Variants in ALDH7A1 observed in about 807,000 individuals in gnomAD.
ALDH7A1 encodes the protein alpha-aminoadipic semialdehyde dehydrogenase.
Under a neutral mutation model 79.9 loss-of-function variants are expected in ALDH7A1, and 63 were observed. The ratio of observed to expected loss-of-function variants is 0.79; its 90% CI spans 0.64 to 0.97. The LOEUF is 0.97. ALDH7A1 is among the 50% of genes least tolerant of loss of function. ALDH7A1 has a pLI of 0.00. For missense variants in ALDH7A1, 627 were observed against 665.2 expected, an observed-to-expected ratio of 0.94 and a Z score of 0.63; for synonymous variants, 240 against 231.2, an observed-to-expected ratio of 1.04 and a Z score of -0.34.
chr5:126,557,767 T>G (rs1650848003), intron 11 of ALDH7A1, among the ~76,000 whole-genome samples: 2 of 152,142 alleles, frequency 1.3e-5, no homozygotes, highest in Admixed American at 1.3e-4. Flanking sequence ...AAGGCTTTTT[T>G]CATTACAAAA....
rs140845195 is a variant in ALDH7A1, at chr5:126,545,020, C to A, written c.1566-1G>T. 14 of 1,604,084 alleles carry A rather than the reference C, an allele frequency of 8.7e-6. No homozygotes were observed. Among genetic ancestry groups the A allele is most frequent in the Non-Finnish European group, 1.2e-5 (14 of 1,171,136 alleles). ...AAGGTCTTTACTGTAGTTGATAGTA[C>A]TAGTGGGAAAAAATAACAGAATTAA... On this transcript the variant is annotated splice_acceptor_variant, in intron 17 of 17. Transcript: ENST00000409134. LOFTEE classifies it high-confidence loss of function.
At chr5:126,565,165 C>T (rs1206717677) in intron 9 of ALDH7A1, among the ~76,000 whole-genome samples, 16 of 152,168 alleles carry the variant, frequency 1.1e-4, no homozygotes, top group East Asian at 1.9e-4. Context: ...GAGGCCAAGG[C>T]GGGCGGATCA....
intron 9 of ALDH7A1, among the ~76,000 whole-genome samples, chr5:126,567,058 A>C (rs1581377403): frequency 6.6e-6 from 1 of 152,340 alleles, no homozygotes; most frequent in Middle Eastern, 3.4e-3. Context: ...CCAAGCACAC[A>C]TTAGGTCATA....
At position 126,555,939 on chromosome 5, in the gene ALDH7A1, G is replaced by A. The variant is rs745833299; in HGVS notation, c.1085C>T (p.Pro362Leu). ...KAYAQIRVGN[P>L]WDPNVLYGPL... ...CAGAAGGAGATACTCACGGTCCCAT[G>A]GGTTCCCAACTCGGATCTGTGCATA... The change falls in exon 12 of 18, where the codon CCA becomes CTA. Residue 362 changes from proline (P) to leucine (L), a missense_variant. Transcript: ENST00000409134. 1 of 1,612,530 alleles carries A rather than the reference G, an allele frequency of 6.2e-7. No homozygotes were observed. Among genetic ancestry groups the A allele is most frequent in the Non-Finnish European group, 8.5e-7 (1 of 1,178,776 alleles).
At chr5:126,589,457 AT>A (rs1751467541) in intron 3 of ALDH7A1, among the ~76,000 whole-genome samples, 1 of 150,718 alleles carries the variant, frequency 6.6e-6, no homozygotes, top group African/African-American at 2.4e-5. Flanking sequence ...TGCCTGGTCT[AT>A]TTTTTTGTTT....
rs562894570 is a variant in ALDH7A1, at chr5:126,556,540, G to A, written c.1009-525C>T. ...ATTACAGGTGTGAGCCACCACACCCGGTCCATAAGCCACATCTTCATCAAG... is the reference window on the plus strand; with the variant it reads ...ATTACAGGTGTGAGCCACCACACCCAGTCCATAAGCCACATCTTCATCAAG... On this transcript the variant is annotated intron_variant, in intron 11 of 17. Coordinates refer to ENST00000409134, the MANE Select transcript of ALDH7A1 (RefSeq NM_001182.5). Among the ~76,000 whole-genome samples, 8 of 152,058 alleles carry A rather than the reference G, an allele frequency of 5.3e-5. No individual in the cohort carries two copies. The South Asian group carries it at 8.3e-4, about 16-fold the overall frequency.
At chr5:126,550,977 T>C (rs1410878544) in intron 14 of ALDH7A1, among the ~76,000 whole-genome samples, 1 of 152,240 alleles carries the variant, frequency 6.6e-6, no homozygotes, top group Non-Finnish European at 1.5e-5. Context: ...TCTTCTAATT[T>C]ATCCACCTGT....
chr5:126,554,479 C>T, intron 12 of ALDH7A1, 86 bp from the exon 13 acceptor site: 3 of 991,814 alleles, frequency 3.0e-6, no homozygotes, highest in Admixed American at 1.7e-5. Flanking sequence ...AATGAACAGA[C>T]CAATCCCTTC....
At chr5:126,594,968 GCCC>G (rs1751691277) in intron 1 of ALDH7A1, 36 bp downstream of exon 1, 1 of 1,556,832 alleles carries the variant, frequency 6.4e-7, no homozygotes, top group African/African-American at 1.4e-5. Flanking sequence ...CCTCGAGCGA[GCCC>G]CGGCGGCTGC....
At position 126,559,264 on chromosome 5, in the gene ALDH7A1, C is replaced by T; in HGVS notation, c.984G>A (p.Gln328=). The T allele has an allele frequency of 6.2e-7, 1 of 1,613,992 alleles. No homozygotes were observed. Among genetic ancestry groups the T allele is most frequent in the Non-Finnish European group, 8.5e-7 (1 of 1,179,878 alleles). Residue 328 remains glutamine, a synonymous_variant, in exon 11 of 18, where the codon CAG becomes CAA. Transcript: ENST00000409134. ...CCAGTCGCCTCGCAGTGGTACACCT[C>T]TGGCCAGCTGTTCCCACAGCAGCGA... is the stretch of plus-strand genomic sequence containing the variant. ...ALFAAVGTAG[Q]RCTTARRLFI...
chr5:126,558,457 A>G (rs941320838), intron 11 of ALDH7A1, among the ~76,000 whole-genome samples: 1 of 152,180 alleles, frequency 6.6e-6, no homozygotes, highest in Non-Finnish European at 1.5e-5. Context: ...TTTGCTTTTC[A>G]ATGAATCATG....
chr5:126,564,985 A>G (rs1561657443), intron 9 of ALDH7A1, among the ~76,000 whole-genome samples: 1 of 152,230 alleles, frequency 6.6e-6, no homozygotes, highest in Non-Finnish European at 1.5e-5. Context: ...CTACTTAGCC[A>G]AGAACAACAA....
Position 126,558,732 on chromosome 5 carries a change from C to T in ALDH7A1, c.1008+508G>A, listed in dbSNP as rs143677143. Among the ~76,000 whole-genome samples, 426 of 152,132 alleles carry T rather than the reference C, an allele frequency of 2.8e-3. 7 individuals carry two copies. Among genetic ancestry groups the T allele is most frequent in the East Asian group, 0.025 (131 of 5,172 alleles). On this transcript the variant is annotated intron_variant, in intron 11 of 17. Coordinates refer to ENST00000409134, the MANE Select transcript of ALDH7A1 (RefSeq NM_001182.5). ...ATAAAGACAGGGAATCACTTTGTTG[C>T]CCAGGCTGGTCTCGAACTACTGGGC...
In ALDH7A1 at chr5:126,582,861, CAAGA is replaced by C. The variant is rs1064794241; in HGVS notation, c.503_506del (p.Ile168SerfsTer10). On this transcript the variant is annotated frameshift_variant, in exon 5 of 18. Coordinates refer to ENST00000409134, the MANE Select transcript of ALDH7A1 (RefSeq NM_001182.5). LOFTEE classifies it high-confidence loss of function. ...AATTTCATTGCTTACTTTCAGAAGG[CAAGA>C]TAGGTCCTCCAATCATCCTTGATAA... The C allele has an allele frequency of 2.0e-5, 33 of 1,612,172 alleles. No individual in the cohort carries two copies. Among genetic ancestry groups the C allele is most frequent in the Non-Finnish European group, 2.7e-5 (32 of 1,179,900 alleles).
rs1488372576 is a variant in ALDH7A1, at chr5:126,576,219, C to G, written c.651-755G>C. On this transcript the variant is annotated intron_variant, in intron 6 of 17. Coordinates refer to ENST00000409134, the MANE Select transcript of ALDH7A1 (RefSeq NM_001182.5). ...CGGAGCTTGCAGAGAGCCGAGACCG[C>G]GCCCCTGCACTCCAGCCTGGGCGAC... Among the ~76,000 whole-genome samples the G allele has an allele frequency of 4.0e-5, 6 of 148,442 alleles. No homozygotes were observed. The East Asian group carries it at 1.2e-3, about 30-fold the overall frequency.
intron 9 of ALDH7A1, among the ~76,000 whole-genome samples, chr5:126,566,849 G>A (rs1246829072): frequency 1.3e-5 from 2 of 152,104 alleles, no homozygotes; most frequent in Admixed American, 1.3e-4. Flanking sequence ...CTATACTAAT[G>A]AGAAATGATG....
rs141379691 is a variant in ALDH7A1, at chr5:126,555,632, C to A, written c.1093+299G>T. ...ATGCAGAAAGGTCAGTTAGGGGATT[C>A]TTGCAGCCTTGCACAAGAGGGATGG... On this transcript the variant is annotated intron_variant, in intron 12 of 17. Coordinates refer to ENST00000409134, the MANE Select transcript of ALDH7A1 (RefSeq NM_001182.5). 3.3e-5 allele frequency among the ~76,000 whole-genome samples: 5 copies of A among 152,136 alleles called. No homozygotes were observed. In the East Asian group the frequency reaches 9.6e-4, roughly 29 times the overall value.
rs1434175322 is a variant in ALDH7A1, at chr5:126,546,379, C to T, written c.1510G>A (p.Gly504Ser). The T allele has an allele frequency of 6.2e-7, 1 of 1,614,060 alleles. No homozygotes were observed. Among genetic ancestry groups the T allele is most frequent in the Non-Finnish European group, 8.5e-7 (1 of 1,180,026 alleles). The change falls in exon 17 of 18, where the codon GGT (glycine) becomes AGT (serine). Residue 504 changes from glycine to serine, a missense_variant. Transcript: ENST00000409134. ...GCATCACTGCCAGACTCCCTGCCACCACCAGTGTGCTTTTCTCCTCCTAGA... is the reference window on the plus strand; with the variant it reads ...GCATCACTGCCAGACTCCCTGCCACTACCAGTGTGCTTTTCTCCTCCTAGA... Reference protein sequence around the residue: ...GAFGGEKHTGGGRESGSDAWK... With the variant: ...GAFGGEKHTGSGRESGSDAWK...
At chr5:126,582,656 T>C (rs898847227) in intron 5 of ALDH7A1, 195 bp downstream of exon 5, 43 of 692,418 alleles carry the variant, frequency 6.2e-5, no homozygotes, top group Non-Finnish European at 9.5e-5. Context: ...AGTTTTATCT[T>C]TAAAACAAAA....
Sources: allele counts gnomAD v4.1 joint callset (sites outside exome capture counted in the v4.1 genomes callset), GRCh38; gene constraint gnomAD v4.1.1; transcripts MANE v1.5; gene names NCBI Gene and HGNC (gene_info 2026-07-23, HGNC 2026-07-21).